Variants in MTSS1 observed in about 807,000 individuals in gnomAD.
The protein encoded by MTSS1 is protein MTSS 1.
MTSS1 carries 18 observed loss-of-function variants against 79.0 expected under a neutral mutation model. That is an observed-to-expected ratio of 0.23 (90% confidence interval 0.16 to 0.34). The LOEUF is 0.34. MTSS1 is among the 10% of genes least tolerant of loss of function. The pLI is 1.00. For synonymous variants in MTSS1, 341 were observed against 368.6 expected (o/e 0.93, Z 0.86); for missense variants, 815 against 986.2 (o/e 0.83, Z 2.33).
chr8:124,668,715 G>T (rs944344477), intron 3 of MTSS1, among the ~76,000 whole-genome samples: 1 of 152,122 alleles, frequency 6.6e-6, no homozygotes, highest in African/African-American at 2.4e-5. Context: ...AGTGTGTTTG[G>T]TCACCCATCA....
rs2131660620 is a variant in MTSS1 at position 124,552,642 on chromosome 8, TTAAC to T, written c.*346_*349del. The T allele has an allele frequency of 4.3e-6, 1 of 234,044 alleles. No homozygotes were observed. 14.5% of individuals were successfully genotyped at this position (234,044 alleles called of 1,614,324 possible). On this transcript the variant is annotated 3_prime_UTR_variant, in exon 14 of 14. Transcript: ENST00000518547. ...AAGTATAGTAAATCCTTTTCTAAAA[TTAAC>T]TACTTCGTGGTTCCCCTGCCCCAAC... is the stretch of plus-strand genomic sequence containing the variant.
intron 3 of MTSS1, among the ~76,000 whole-genome samples, chr8:124,662,816 T>C (rs1352700886): frequency 1.3e-5 from 2 of 152,116 alleles, no homozygotes; most frequent in Non-Finnish European, 2.9e-5. Flanking sequence ...TCCAAAATTC[T>C]TGGGAGGAAA....
intron 6 of MTSS1, among the ~76,000 whole-genome samples, chr8:124,573,553 G>A (rs1048708810): frequency 6.6e-6 from 1 of 152,238 alleles, no homozygotes; most frequent in Admixed American, 6.5e-5. Flanking sequence ...TTGCCTGGAA[G>A]GCGGCAGGTG....
intron 3 of MTSS1, among the ~76,000 whole-genome samples, chr8:124,689,785 A>G (rs1827643539): frequency 6.6e-6 from 1 of 151,644 alleles, no homozygotes; most frequent in Non-Finnish European, 1.5e-5. Flanking sequence ...CTTCATCTGC[A>G]TGAACTAAAA....
At chr8:124,589,493 G>T in intron 5 of MTSS1, 127 bp downstream of exon 5, 1 of 671,576 alleles carries the variant, frequency 1.5e-6, no homozygotes, top group Non-Finnish European at 2.6e-6. Flanking sequence ...AGGAGAGTAG[G>T]GACAGAGTGG....
chr8:124,655,795 GGTCCTTGAAGCATCA>G (rs1248744252), intron 3 of MTSS1, among the ~76,000 whole-genome samples: 3 of 152,110 alleles, frequency 2.0e-5, no homozygotes, highest in African/African-American at 7.2e-5. Flanking sequence ...CATCTCAGCT[GGTCCTTGAAGCATCA>G]GACAGAGATC....
In MTSS1 at chr8:124,627,662, GCCAGGGGTGGCGGGGGGGTCC is replaced by G. The variant is rs570779590; in HGVS notation, c.209-36448_209-36428del. On this transcript the variant is annotated intron_variant, in intron 3 of 13. Transcript: ENST00000518547. ...ATAGACTAAGCAGCCCTGGGAGATGGCCAGGGGTGGCGGGGGGGTCCCCCAGGGATCACTGAAAGGGTAATG... is the reference window on the plus strand; with the variant it reads ...ATAGACTAAGCAGCCCTGGGAGATGGCCCAGGGATCACTGAAAGGGTAATG... Among the ~76,000 whole-genome samples, 3 of 151,966 alleles carry G rather than the reference GCCAGGGGTGGCGGGGGGGTCC, an allele frequency of 2.0e-5. No individual in the cohort carries two copies. In the East Asian group the frequency reaches 5.8e-4, roughly 29 times the overall value.
Position 124,676,761 on chromosome 8 carries a change from C to A in MTSS1, c.208+22765G>T, listed in dbSNP as rs546710390. Among the ~76,000 whole-genome samples the A allele has an allele frequency of 3.3e-5, 5 of 152,214 alleles. No individual in the cohort carries two copies. The South Asian group carries it at 1.0e-3, about 32-fold the overall frequency. ...TTGGGGCTTCAAATTCAGTATAAAG[C>A]GAGTGCAATCACAGTAGGTTACTTG... On this transcript the variant is annotated intron_variant, in intron 3 of 13. Coordinates refer to ENST00000518547, the MANE Select transcript of MTSS1 (RefSeq NM_014751.6).
intron 3 of MTSS1, among the ~76,000 whole-genome samples, chr8:124,654,728 C>A (rs1425370239): frequency 6.6e-6 from 1 of 152,220 alleles, no homozygotes; most frequent in Admixed American, 6.5e-5. Context: ...GTGTAACTCA[C>A]ATGACTATCT....
At chr8:124,614,135 G>A (rs984922783) in intron 3 of MTSS1, among the ~76,000 whole-genome samples, 29 of 140,032 alleles carry the variant, frequency 2.1e-4, no homozygotes, top group African/African-American at 8.0e-4. Context: ...CTGCACTCCA[G>A]CCTGGGCGAC....
At chr8:124,632,678 T>A (rs866786262) in intron 3 of MTSS1, among the ~76,000 whole-genome samples, 1 of 152,124 alleles carries the variant, frequency 6.6e-6, no homozygotes. Flanking sequence ...TTTGTTTGTT[T>A]GTTTTTTGAG....
chr8:124,647,214 T>C (rs938743929), intron 3 of MTSS1, among the ~76,000 whole-genome samples: 14 of 152,352 alleles, frequency 9.2e-5, no homozygotes, highest in African/African-American at 3.4e-4. Context: ...ATTTTCATAC[T>C]ATTTATGTCT....
intron 3 of MTSS1, chr8:124,699,223 G>C: frequency 3.3e-6 from 1 of 306,282 alleles, no homozygotes; most frequent in Non-Finnish European, 6.0e-6. Flanking sequence ...TGCAACCAAA[G>C]GCACAGCTCA....
chr8:124,556,810 G>A (rs926603609), intron 11 of MTSS1, among the ~76,000 whole-genome samples: 13 of 152,218 alleles, frequency 8.5e-5, no homozygotes, highest in African/African-American at 3.1e-4. Flanking sequence ...CCACCAGCGA[G>A]CACTAAAGCA....
chr8:124,618,613 G>C (rs1812865304), intron 3 of MTSS1, among the ~76,000 whole-genome samples: 1 of 152,152 alleles, frequency 6.6e-6, no homozygotes, highest in South Asian at 2.1e-4. Flanking sequence ...CAGGAGCTCA[G>C]AGTCATTCTT....
chr8:124,554,443 A>G (rs1195594305), intron 13 of MTSS1, among the ~76,000 whole-genome samples: 1 of 152,202 alleles, frequency 6.6e-6, no homozygotes, highest in Non-Finnish European at 1.5e-5. Flanking sequence ...GTCTACAGAC[A>G]TTGCCAGATG....
chr8:124,671,934 G>A (rs549687564), intron 3 of MTSS1, among the ~76,000 whole-genome samples: 1 of 152,284 alleles, frequency 6.6e-6, no homozygotes, highest in African/African-American at 2.4e-5. Context: ...TGACCATCAG[G>A]AAATTTCCCA....
intron 3 of MTSS1, among the ~76,000 whole-genome samples, chr8:124,663,505 G>A (rs984676965): frequency 3.4e-5 from 5 of 149,212 alleles, no homozygotes; most frequent in South Asian, 2.2e-4. Flanking sequence ...ACCCCCACCC[G>A]CCCAATCCAT....
At chr8:124,585,231 G>A in intron 5 of MTSS1, 70 bp from the exon 6 acceptor site, 1 of 1,112,332 alleles carries the variant, frequency 9.0e-7, no homozygotes. Flanking sequence ...GTAGGAAACA[G>A]CCATTACATT....
Sources: gnomAD v4.1 joint callset for allele counts (sites outside exome capture counted in the v4.1 genomes callset) on GRCh38, gnomAD v4.1.1 for gene constraint, MANE v1.5 for transcripts, NCBI Gene and HGNC (gene_info 2026-07-23, HGNC 2026-07-21) for gene names.